LYZL2: variants seen among roughly 807,000 people sequenced by gnomAD.
LYZL2 encodes lysozyme-like protein 2.
In LYZL2, 13 loss-of-function variants were observed where a neutral mutation model predicts 17.1. The observed-to-expected ratio is 0.76, with a 90% confidence interval of 0.49 to 1.21. The LOEUF is 1.21. LYZL2 is among the 50% of genes most tolerant of loss of function. The pLI is 0.00. For synonymous variants in LYZL2, 63 were observed against 74.4 expected (o/e 0.85, Z 0.79); for missense variants, 166 against 189.2 (o/e 0.88, Z 0.72).
chr10:30,628,073 T>G (rs1464386684), intron 1 of LYZL2, among the ~76,000 whole-genome samples: 1 of 151,884 alleles, frequency 6.6e-6, no homozygotes, highest in Non-Finnish European at 1.5e-5. Flanking sequence ...GGCAGGAGAA[T>G]GGCGTGAACC....
chr10:30,613,790 A>G (rs1270450342), intron 3 of LYZL2, among the ~76,000 whole-genome samples: 1 of 152,136 alleles, frequency 6.6e-6, no homozygotes, highest in East Asian at 1.9e-4. Context: ...ATAATAGCTC[A>G]CTGCAGCCTC....
At chr10:30,608,381 T>C (rs1838397933), downstream of LYZL2, among the ~76,000 whole-genome samples, 1 of 152,270 alleles carries the variant, frequency 6.6e-6, no homozygotes, top group Non-Finnish European at 1.5e-5. Flanking sequence ...TCTGGCTTTC[T>C]TGATAAAGCC....
intron 3 of LYZL2, among the ~76,000 whole-genome samples, chr10:30,620,938 A>C (rs910772999): frequency 2.6e-5 from 4 of 152,150 alleles, no homozygotes; most frequent in Non-Finnish European, 4.4e-5. Flanking sequence ...GGGAGGGAAA[A>C]ATACTAAAAA....
chr10:30,620,308 C>T (rs1021313346), intron 3 of LYZL2, among the ~76,000 whole-genome samples: 12 of 152,200 alleles, frequency 7.9e-5, no homozygotes, highest in African/African-American at 2.7e-4. Context: ...TTACTAGCAA[C>T]ACCTCTTCCC....
At chr10:30,615,957 T>A (rs1189932733) in intron 3 of LYZL2, among the ~76,000 whole-genome samples, 1 of 152,220 alleles carries the variant, frequency 6.6e-6, no homozygotes, top group African/African-American at 2.4e-5. Flanking sequence ...GGTTCACCAA[T>A]GCTTTTATGT....
In LYZL2 at chr10:30,623,918, C is replaced by G. The variant is rs78632272; in HGVS notation, c.298+2187G>C. On this transcript the variant is annotated intron_variant, in intron 3 of 4. Transcript: ENST00000647634. ...GGGGACCACTGATACAGACCATATT[C>G]TCTTACTGTAATGAGGTGAAACTAG... 5.4e-4 allele frequency among the ~76,000 whole-genome samples: 82 copies of G among 152,298 alleles called. No individual in the cohort carries two copies. In the East Asian group the frequency reaches 0.013, roughly 23 times the overall value.
rs1250586275 is a variant in LYZL2 at position 30,626,193 on chromosome 10, G to A, written c.210C>T (p.Ile70=). 50 of 1,614,122 alleles carry A rather than the reference G, an allele frequency of 3.1e-5. No individual in the cohort carries two copies. The highest frequency in any genetic ancestry group is 3.9e-5 in the Non-Finnish European group (46 of 1,180,058). ...TGTTGATCTGGAAGATGCCGTAGTC[G>A]ATGCTGCCGTCATCCAGGACCGTCT... ...TAQTVLDDGS[I]DYGIFQINSF... The change falls in exon 3 of 5, where the codon ATC becomes ATT. Residue 70 remains isoleucine (I), a synonymous_variant. Coordinates refer to ENST00000647634, the MANE Select transcript of LYZL2 (RefSeq NM_183058.3).
chr10:30,627,897 C>T (rs1449469217), intron 1 of LYZL2, among the ~76,000 whole-genome samples: 1 of 152,216 alleles, frequency 6.6e-6, no homozygotes, highest in African/African-American at 2.4e-5. Flanking sequence ...CGGTGGCTCA[C>T]GCCTGTAATC....
chr10:30,611,756 A>C, downstream of LYZL2: 1 of 718,350 alleles, frequency 1.4e-6, no homozygotes, highest in Non-Finnish European at 2.1e-6. Flanking sequence ...AAAGAAAGGA[A>C]AGAAAGAGAA....
intron 3 of LYZL2, among the ~76,000 whole-genome samples, chr10:30,617,678 AAAAAAAAAAAAAAAAAAAAAGAAAAG>A (rs1564407942): frequency 8.3e-6 from 1 of 120,334 alleles, no homozygotes; most frequent in Non-Finnish European, 1.8e-5. Context: ...CTGTCTCAAA[AAAAAAAAAAAAAAAAAAAAAGAAAAG>A]AAAAAGAAAA....
At chr10:30,615,916 G>C (rs1243345921) in intron 3 of LYZL2, among the ~76,000 whole-genome samples, 2 of 151,884 alleles carry the variant, frequency 1.3e-5, no homozygotes, top group African/African-American at 4.8e-5. Flanking sequence ...TAATTCACCA[G>C]TATTTTAAGA....
intron 3 of LYZL2, among the ~76,000 whole-genome samples, chr10:30,625,074 C>A (rs1454752378): frequency 6.6e-6 from 1 of 152,036 alleles, no homozygotes; most frequent in Non-Finnish European, 1.5e-5. Flanking sequence ...TCTGCCAAAA[C>A]CCAAATGAGC....
chr10:30,613,834 G>A (rs956959591), intron 3 of LYZL2, among the ~76,000 whole-genome samples: 1 of 151,976 alleles, frequency 6.6e-6, no homozygotes, highest in Non-Finnish European at 1.5e-5. Flanking sequence ...TTCCACCTCA[G>A]CCTTCAAAAT....
rs542521827 is a variant in LYZL2 at position 30,628,636 on chromosome 10, C to G, written c.-26+957G>C. On this transcript the variant is annotated intron_variant, in intron 1 of 4. Transcript: ENST00000647634. The stretch of plus-strand genomic sequence containing the variant: ...TTGATGTTCTTACATATGTTCATCC[C>G]GTGTCATTTTCTGCACTTGCCTGGA... 2.6e-4 allele frequency among the ~76,000 whole-genome samples: 40 copies of G among 152,228 alleles called. No homozygotes were observed. In the East Asian group the frequency reaches 5.8e-3, roughly 22 times the overall value.
chr10:30,627,074 C>T (rs774492713), intron 1 of LYZL2, 134 bp from the exon 2 acceptor site: 47 of 1,316,940 alleles, frequency 3.6e-5, no homozygotes, highest in South Asian at 9.0e-5. Context: ...CAGGGAAAAC[C>T]GGCCACTCTA....
At chr10:30,624,913 A>G (rs1838679736) in intron 3 of LYZL2, among the ~76,000 whole-genome samples, 1 of 152,192 alleles carries the variant, frequency 6.6e-6, no homozygotes, top group Admixed American at 6.5e-5. Flanking sequence ...CAAAGTGTGA[A>G]AGGGACTCGA....
At chr10:30,626,387 G>A (rs533547590) in intron 2 of LYZL2, 124 bp from the exon 3 acceptor site, 3 of 1,455,352 alleles carry the variant, frequency 2.1e-6, no homozygotes, top group Non-Finnish European at 1.8e-6. Context: ...CCTTGGGCAG[G>A]GCAGGGCGGG....
At chr10:30,615,042 T>A (rs1486196630) in intron 3 of LYZL2, among the ~76,000 whole-genome samples, 1 of 152,256 alleles carries the variant, frequency 6.6e-6, no homozygotes, top group African/African-American at 2.4e-5. Context: ...CCCAATGCAA[T>A]GTTAAGTTCC....
chr10:30,620,465 T>A (rs2132944565), intron 3 of LYZL2, among the ~76,000 whole-genome samples: 1 of 152,364 alleles, frequency 6.6e-6, no homozygotes, highest in Non-Finnish European at 1.5e-5. Context: ...TTCAAAATAG[T>A]CTTTTTCTTT....
Sources: gnomAD v4.1 joint callset for allele counts (sites outside exome capture counted in the v4.1 genomes callset) on GRCh38, gnomAD v4.1.1 for gene constraint, MANE v1.5 for transcripts, NCBI Gene and HGNC (gene_info 2026-07-23, HGNC 2026-07-21) for gene names.